The following PBXIP1 variants were observed in gnomAD, a reference collection of about 807,000 sequenced individuals.
PBXIP1 encodes PBX homeobox interacting protein 1.
In PBXIP1, 73 loss-of-function variants were observed where a neutral mutation model predicts 73.7. That is an observed-to-expected ratio of 0.99 (90% CI 0.82 to 1.20). PBXIP1 has a LOEUF of 1.20. Among genes scored for constraint, PBXIP1 ranks in the 50% most tolerant of loss-of-function variants. The pLI is 0.00. For synonymous variants in PBXIP1, 330 were observed against 366.9 expected (o/e 0.90, Z 1.15); for missense variants, 818 against 911.4 (o/e 0.90, Z 1.32).
In PBXIP1 at chr1:154,951,347, G is replaced by T; in HGVS notation, c.294C>A (p.Asp98Glu). 6.2e-7 allele frequency: 1 copy of T among 1,614,130 alleles called. No individual in the cohort carries two copies. Among genetic ancestry groups the T allele is most frequent in the Non-Finnish European group, 8.5e-7 (1 of 1,179,976 alleles). Residue 98 changes from aspartate to glutamate, a missense_variant, in exon 5 of 11, where the codon GAC becomes GAA. Asp to Glu is a conservative substitution (Grantham distance 45, BLOSUM62 2). Coordinates refer to ENST00000368463, the MANE Select transcript of PBXIP1 (RefSeq NM_020524.4). The surrounding 1 kb of genome is among the most constrained non-coding windows in gnomAD (Gnocchi z 4.3). ...CCTGCAGGTCTCCCTGGACTACTGT[G>T]TCTCCTGGGCCAGGAGGCTCCACAC... is the stretch of plus-strand genomic sequence containing the variant. The part of the protein sequence containing the change: ...VCGVEPPGPG[D>E]TVVQGDLQET...
intron 1 of PBXIP1, 92 bp from the exon 2 acceptor site, chr1:154,953,849 C>T: frequency 1.3e-6 from 1 of 752,028 alleles, no homozygotes. Context: ...GGTTCAAGTG[C>T]TGGGCAGCAG....
At position 154,946,664 on chromosome 1, in the gene PBXIP1, C is replaced by T. The variant is rs1488476280; in HGVS notation, c.1010G>A (p.Arg337Gln). The change falls in exon 10 of 11, where the codon CGG (arginine) becomes CAG (glutamine). Residue 337 changes from arginine to glutamine, a missense_variant. By Grantham distance (43) the Arg-to-Gln change is conservative. Coordinates refer to ENST00000368463, the MANE Select transcript of PBXIP1 (RefSeq NM_020524.4). ...LESELQQLRA[R>Q]LQGLEADCVR... ...ACAGTCGGCCTCCAGCCCCTGGAGC[C>T]GGGCCCGCAGCTGCTGCAGCTCTGA... 3 of 1,612,600 alleles carry T rather than the reference C, an allele frequency of 1.9e-6. No homozygotes were observed. The highest frequency in any genetic ancestry group is 1.1e-5 in the South Asian group (1 of 91,016).
Position 154,951,864 on chromosome 1 carries a change from C to T in PBXIP1, c.109G>A (p.Ala37Thr), listed in dbSNP as rs756476852. 2 of 1,613,478 alleles carry T rather than the reference C, an allele frequency of 1.2e-6. No individual in the cohort carries two copies. Among genetic ancestry groups the T allele is most frequent in the African/African-American group, 1.3e-5 (1 of 74,976 alleles). The change falls in exon 3 of 11, where the codon GCC (alanine) becomes ACC (threonine). Residue 37 changes from alanine (A) to threonine (T), a missense_variant. Physicochemically the swap from Ala to Thr is moderately conservative, Grantham distance 58. Coordinates refer to ENST00000368463, the MANE Select transcript of PBXIP1 (RefSeq NM_020524.4). This position sits in a 1 kb window ranked among gnomAD's most constrained non-coding sequence, Gnocchi z 4.3. ...ASRMDPESER[A>T]LQAPHSPSKT... ...GAGGGGCTGTGAGGGGCCTGCAGGG[C>T]TCTCTCAGATTCTGGGTCCATCCTG...
At chr1:154,954,869 G>C (rs890790116) in intron 1 of PBXIP1, 3 of 533,090 alleles carry the variant, frequency 5.6e-6, no homozygotes, top group East Asian at 1.5e-4. Flanking sequence ...TGATCCCTCA[G>C]AACAGGATAA....
Position 154,951,231 on chromosome 1 carries a change from C to A in PBXIP1, c.409+1G>T. 6.2e-7 allele frequency: 1 copy of A among 1,613,724 alleles called. No individual in the cohort carries two copies. ...ACAGGAGAGGCAAGGAAGACTCTCA[C>A]CTGCTTTGGGGGTTGAAGGCAGGCT... is the stretch of plus-strand genomic sequence containing the variant. On this transcript the variant is annotated splice_donor_variant, in intron 5 of 10. Coordinates refer to ENST00000368463, the MANE Select transcript of PBXIP1 (RefSeq NM_020524.4). LOFTEE classifies it high-confidence loss of function. The surrounding 1 kb of genome is among the most constrained non-coding windows in gnomAD (Gnocchi z 4.3).
rs1236500258 is a variant in PBXIP1, at chr1:154,946,241, C to G, written c.1433G>C (p.Trp478Ser). The stretch of plus-strand genomic sequence containing the variant: ...CTTCCGGTCTCTCTGCCCATCCCAC[C>G]ACTTTTCCTTTCCACTCCACTCCCT... Reference protein sequence around the residue: ...NSREWSGKEKWWDGQRDRKAE... With the variant: ...NSREWSGKEKSWDGQRDRKAE... The change falls in exon 10 of 11, where the codon TGG (tryptophan) becomes TCG (serine). Residue 478 changes from tryptophan (W) to serine (S), a missense_variant. Trp to Ser is a radical substitution (Grantham distance 177, BLOSUM62 -3). Coordinates refer to ENST00000368463, the MANE Select transcript of PBXIP1 (RefSeq NM_020524.4). The G allele has an allele frequency of 6.2e-7, 1 of 1,614,196 alleles. No individual in the cohort carries two copies. Among genetic ancestry groups the G allele is most frequent in the Non-Finnish European group, 8.5e-7 (1 of 1,180,030 alleles).
intron 5 of PBXIP1, among the ~76,000 whole-genome samples, chr1:154,948,668 T>C (rs1654914814): frequency 6.6e-6 from 1 of 152,132 alleles, no homozygotes; most frequent in South Asian, 2.1e-4. Flanking sequence ...ATTACCACCC[T>C]CCTGGGTTGC....
rs759580785 is a variant in PBXIP1, at chr1:154,945,888, G to A, written c.1786C>T (p.Arg596Trp). The change falls in exon 10 of 11, where the codon CGG becomes TGG. Residue 596 changes from arginine to tryptophan, a missense_variant. Transcript: ENST00000368463. ...QGCSGVDECA[R>W]QEGLTFFGTE... ...CCAAAGAAAGTCAGGCCCTCCTGCC[G>A]GGCACACTCGTCCACACCTGAGCAG... The A allele has an allele frequency of 3.3e-5, 54 of 1,614,004 alleles. 1 individual carries two copies. The highest frequency in any genetic ancestry group is 2.3e-4 in the South Asian group (21 of 91,088).
intron 1 of PBXIP1, among the ~76,000 whole-genome samples, chr1:154,955,460 C>A (rs1382125238): frequency 6.6e-6 from 1 of 152,168 alleles, no homozygotes; most frequent in African/African-American, 2.4e-5. Flanking sequence ...ACTTATGAGA[C>A]CCAAATAGGA....
Position 154,945,080 on chromosome 1 carries a change from C to A in PBXIP1, c.2140G>T (p.Ala714Ser), listed in dbSNP as rs1654755193. Residue 714 changes from alanine to serine, a missense_variant, in exon 11 of 11, where the codon GCT becomes TCT. Ala to Ser is a moderately conservative substitution (Grantham distance 99). Transcript: ENST00000368463. ...KKDKHSQSPR[A>S]AGPREGHSHS... ...CTGTGCCCCTCCCTGGGCCCCGCAG[C>A]TCTTGGGCTCTGTGAGTGCTTGTCC... is the stretch of plus-strand genomic sequence containing the variant. 1 of 1,614,006 alleles carries A rather than the reference C, an allele frequency of 6.2e-7. No homozygotes were observed. Among genetic ancestry groups the A allele is most frequent in the Non-Finnish European group, 8.5e-7 (1 of 1,179,982 alleles).
chr1:154,951,978 A>AT lies in PBXIP1; in HGVS notation c.52-58dup. On this transcript the variant is annotated intron_variant, in intron 2 of 10. Coordinates refer to ENST00000368463, the MANE Select transcript of PBXIP1 (RefSeq NM_020524.4). This position sits in a 1 kb window ranked among gnomAD's most constrained non-coding sequence, Gnocchi z 4.3. The stretch of plus-strand genomic sequence containing the variant: ...ACCCAAGAATGGGGCCCCAGCCCAC[A>AT]TCCCAGAAACACACACATTCAGTCA... 6.4e-7 allele frequency: 1 copy of AT among 1,558,588 alleles called. No homozygotes were observed. Among genetic ancestry groups the AT allele is most frequent in the Admixed American group, 2.1e-5 (1 of 46,922 alleles).
Position 154,951,210 on chromosome 1 carries a change from G to A in PBXIP1, c.409+22C>T. The A allele has an allele frequency of 6.2e-7, 1 of 1,608,804 alleles. No homozygotes were observed. Among genetic ancestry groups the A allele is most frequent in the Non-Finnish European group, 8.5e-7 (1 of 1,176,048 alleles). ...ATACCTTCTAGAAGGAGAGTGACAGGAGAGGCAAGGAAGACTCTCACCTGC... is the reference window on the plus strand; with the variant it reads ...ATACCTTCTAGAAGGAGAGTGACAGAAGAGGCAAGGAAGACTCTCACCTGC... On this transcript the variant is annotated intron_variant, in intron 5 of 10. Transcript: ENST00000368463. The surrounding 1 kb of genome is among the most constrained non-coding windows in gnomAD (Gnocchi z 4.3).
rs762449454 is a variant in PBXIP1 at position 154,955,232 on chromosome 1, C to T, written c.-37+837G>A. Among the ~76,000 whole-genome samples the T allele has an allele frequency of 2.0e-5, 3 of 152,262 alleles. No individual in the cohort carries two copies. In the Middle Eastern group the frequency reaches 0.01, roughly 518 times the overall value. On this transcript the variant is annotated intron_variant, in intron 1 of 10. Transcript: ENST00000368463. Reference sequence around the variant, plus strand: ...CAGCCTTCCGCTTGTGGCTCCACCCCCGCCCTTGTTATCATCTCCCCATCC... The same window carrying T: ...CAGCCTTCCGCTTGTGGCTCCACCCTCGCCCTTGTTATCATCTCCCCATCC...
chr1:154,948,409 G>C (rs749649512), intron 5 of PBXIP1, 43 bp from the exon 6 acceptor site: 1 of 1,371,016 alleles, frequency 7.3e-7, no homozygotes, highest in Non-Finnish European at 1.0e-6. Context: ...TGACTGGAGA[G>C]ATGGGGAGAC....
rs1654756002 is a variant in PBXIP1, at chr1:154,945,094, G to A, written c.2126C>T (p.Ser709Leu). ...KKRSGKKDKHSQSPRAAGPRE... is the reference protein window; with the variant it reads ...KKRSGKKDKHLQSPRAAGPRE... Reference sequence around the variant, plus strand: ...GGGCCCCGCAGCTCTTGGGCTCTGTGAGTGCTTGTCCTTCTTCCCTGACCT... The same window carrying A: ...GGGCCCCGCAGCTCTTGGGCTCTGTAAGTGCTTGTCCTTCTTCCCTGACCT... The change falls in exon 11 of 11, where the codon TCA becomes TTA. Residue 709 changes from serine (S) to leucine (L), a missense_variant. By Grantham distance (145) the Ser-to-Leu change is moderately radical. Transcript: ENST00000368463. 1.9e-6 allele frequency: 3 copies of A among 1,614,048 alleles called. No individual in the cohort carries two copies. Among genetic ancestry groups the A allele is most frequent in the Non-Finnish European group, 2.5e-6 (3 of 1,179,900 alleles).
At chr1:154,952,325 T>A (rs1252506033) in intron 2 of PBXIP1, among the ~76,000 whole-genome samples, 3 of 152,118 alleles carry the variant, frequency 2.0e-5, no homozygotes, top group Non-Finnish European at 2.9e-5. Flanking sequence ...TCCCAGGGTG[T>A]CCCTGCAGCT....
At chr1:154,947,865 G>T in intron 7 of PBXIP1, 117 bp downstream of exon 7, 1 of 1,363,652 alleles carries the variant, frequency 7.3e-7, no homozygotes, top group Non-Finnish European at 1.0e-6. Flanking sequence ...ACCCTGAACA[G>T]CTGACAAGGC....
rs772821084 is a variant in PBXIP1 at position 154,946,696 on chromosome 1, A to G, written c.978T>C (p.Ala326=). Reference sequence around the variant, plus strand: ...GCAGCTGCTGCAGCTCTGACTCCAGAGCCCGCTGGAAGGCTTCGCCCTGCT... The same window carrying G: ...GCAGCTGCTGCAGCTCTGACTCCAGGGCCCGCTGGAAGGCTTCGCCCTGCT... The part of the protein sequence containing the change: ...ALQQGEAFQR[A]LESELQQLRA... The change falls in exon 10 of 11, where the codon GCT becomes GCC. Residue 326 remains alanine (A), a synonymous_variant. Coordinates refer to ENST00000368463, the MANE Select transcript of PBXIP1 (RefSeq NM_020524.4). 1 of 1,612,448 alleles carries G rather than the reference A, an allele frequency of 6.2e-7. No homozygotes were observed. Among genetic ancestry groups the G allele is most frequent in the Non-Finnish European group, 8.5e-7 (1 of 1,178,914 alleles).
At position 154,947,826 on chromosome 1, in the gene PBXIP1, C is replaced by T. The variant is rs919504459; in HGVS notation, c.668-114G>A. ...GCTCAGGACCCACCCTGTGGCTGAGCGGTTTGGTGAGATAAAGGGCCAAGG... is the reference window on the plus strand; with the variant it reads ...GCTCAGGACCCACCCTGTGGCTGAGTGGTTTGGTGAGATAAAGGGCCAAGG... On this transcript the variant is annotated intron_variant, in intron 7 of 10. Transcript: ENST00000368463. The T allele has an allele frequency of 2.1e-5, 29 of 1,388,552 alleles. 1 individual carries two copies. The highest frequency in any genetic ancestry group is 7.2e-5 in the Admixed American group (4 of 55,844). The allele number at this position is 1,388,552 out of a possible 1,614,324, so 86.0% of individuals were successfully genotyped here.
Sources: allele counts gnomAD v4.1 joint callset (sites outside exome capture counted in the v4.1 genomes callset), GRCh38; gene constraint gnomAD v4.1.1; non-coding constraint Gnocchi (gnomAD v3.1); transcripts MANE v1.5; gene names NCBI Gene and HGNC (gene_info 2026-07-23, HGNC 2026-07-21).